TMEM41B: variants seen among roughly 807,000 people sequenced by gnomAD.
The protein encoded by TMEM41B is protein stasimon.
Under a neutral mutation model 31.9 loss-of-function variants are expected in TMEM41B, and 18 were observed. That is an observed-to-expected ratio of 0.56 (90% CI 0.39 to 0.84). TMEM41B has a LOEUF of 0.84. Ranked by LOEUF, TMEM41B falls within the 40% of genes least tolerant of loss-of-function variation. The pLI, the probability that TMEM41B is intolerant of heterozygous loss-of-function variation, is 0.00. For synonymous variants in TMEM41B, 144 were observed against 124.3 expected, an observed-to-expected ratio of 1.16 and a Z score of -1.05; for missense variants, 322 against 348.0, an observed-to-expected ratio of 0.93 and a Z score of 0.59.
intron 5 of TMEM41B, among the ~76,000 whole-genome samples, chr11:9,286,891 T>G (rs1852849308): frequency 6.6e-6 from 1 of 151,758 alleles, no homozygotes; most frequent in Non-Finnish European, 1.5e-5. Flanking sequence ...TCCTAGCTAC[T>G]TGGGAGGCTG....
Position 9,286,443 on chromosome 11 carries a change from C to A in TMEM41B, c.706+12G>T. 1 of 1,605,276 alleles carries A rather than the reference C, an allele frequency of 6.2e-7. No individual in the cohort carries two copies. The highest frequency in any genetic ancestry group is 8.5e-7 in the Non-Finnish European group (1 of 1,176,300). On this transcript the variant is annotated intron_variant, in intron 6 of 6. Transcript: ENST00000528080. The stretch of plus-strand genomic sequence containing the variant: ...CAGTGAGCTCATACACAGCAAGAAC[C>A]AGAGGGCTTACCTAGAAAAGTACCA...
chr11:9,286,483 C>A lies in TMEM41B; in HGVS notation c.678G>T (p.Leu226Phe). Residue 226 changes from leucine to phenylalanine, a missense_variant, in exon 6 of 7, where the codon TTG becomes TTT. By Grantham distance (22) the Leu-to-Phe change is conservative. Transcript: ENST00000528080. ...NITSPVINVP[L>F]KVFFIGTFLG... Reference sequence around the variant, plus strand: ...GAAAAGTACCAATAAAAAAAACTTTCAATGGCACGTTTATCACAGGAGATG... The same window carrying A: ...GAAAAGTACCAATAAAAAAAACTTTAAATGGCACGTTTATCACAGGAGATG... The A allele has an allele frequency of 6.2e-7, 1 of 1,611,308 alleles. No individual in the cohort carries two copies. Among genetic ancestry groups the A allele is most frequent in the Non-Finnish European group, 8.5e-7 (1 of 1,179,252 alleles).
chr11:9,305,178 T>C (rs1260698629), intron 1 of TMEM41B, among the ~76,000 whole-genome samples: 1 of 151,206 alleles, frequency 6.6e-6, no homozygotes, highest in Non-Finnish European at 1.5e-5. Context: ...AGCTATTCAA[T>C]AAAGTAGGTA....
intron 1 of TMEM41B, among the ~76,000 whole-genome samples, chr11:9,307,004 C>A (rs1853414148): frequency 6.6e-6 from 1 of 152,156 alleles, no homozygotes; most frequent in Non-Finnish European, 1.5e-5. Flanking sequence ...AATTCTTTCT[C>A]CATATACTCA....
intron 4 of TMEM41B, chr11:9,288,082 G>T: frequency 2.3e-6 from 1 of 427,194 alleles, no homozygotes. Context: ...AATTTCAGGA[G>T]CCAATTTCCA....
Position 9,281,366 on chromosome 11 carries a change from C to A in TMEM41B, c.*2058G>T, listed in dbSNP as rs1374641879. ...GCTAGAAATAATAAATAATCTCACGCAAAAGGCCAGGTGACATAAGAATAC... is the reference window on the plus strand; with the variant it reads ...GCTAGAAATAATAAATAATCTCACGAAAAAGGCCAGGTGACATAAGAATAC... On this transcript the variant is annotated 3_prime_UTR_variant, in exon 7 of 7. Transcript: ENST00000528080. The A allele has an allele frequency of 6.6e-6, 1 of 152,138 alleles. No individual in the cohort carries two copies. The allele number at this position is 152,138 out of a possible 1,614,324, so 9.4% of individuals were successfully genotyped here.
intron 5 of TMEM41B, 51 bp from the exon 6 acceptor site, chr11:9,286,644 A>G: frequency 6.5e-7 from 1 of 1,538,920 alleles, no homozygotes; most frequent in Non-Finnish European, 8.8e-7. Context: ...ACTTCAAAAT[A>G]AGTTGCTTAA....
At chr11:9,288,942 G>C (rs1852895932) in intron 3 of TMEM41B, among the ~76,000 whole-genome samples, 2 of 152,084 alleles carry the variant, frequency 1.3e-5, no homozygotes, top group African/African-American at 4.8e-5. Context: ...TAAAGGAATA[G>C]GAACTACAAG....
At chr11:9,290,961 CA>C (rs1266615105) in intron 3 of TMEM41B, among the ~76,000 whole-genome samples, 2 of 151,936 alleles carry the variant, frequency 1.3e-5, no homozygotes, top group African/African-American at 2.4e-5. Context: ...AATAAAAATA[CA>C]AAAATTGGCC....
intron 2 of TMEM41B, among the ~76,000 whole-genome samples, 164 bp from the exon 3 acceptor site, chr11:9,295,551 G>C (rs534012720): frequency 1.3e-5 from 2 of 152,208 alleles, no homozygotes; most frequent in South Asian, 4.1e-4. Context: ...CTTTTGTTTT[G>C]AGACATAGAG....
chr11:9,286,762 G>A (rs1265524487), intron 5 of TMEM41B, among the ~76,000 whole-genome samples, 169 bp from the exon 6 acceptor site: 2 of 152,242 alleles, frequency 1.3e-5, no homozygotes, highest in South Asian at 2.1e-4. Context: ...CACTTTGGGA[G>A]GCTGAGGCAG....
chr11:9,303,821 C>T (rs1463249045), intron 1 of TMEM41B, among the ~76,000 whole-genome samples: 7 of 151,926 alleles, frequency 4.6e-5, no homozygotes, highest in South Asian at 2.1e-4. Flanking sequence ...GCACACGCCA[C>T]GAGGATCAAC....
chr11:9,287,937 T>G, intron 4 of TMEM41B, 131 bp from the exon 5 acceptor site: 10 of 696,736 alleles, frequency 1.4e-5, no homozygotes, highest in East Asian at 2.7e-5. Flanking sequence ...ATGACATCTC[T>G]TGTGCAGAGA....
At position 9,281,311 on chromosome 11, in the gene TMEM41B, C is replaced by A. The variant is rs979440381; in HGVS notation, c.*2113G>T. The A allele has an allele frequency of 2.0e-5, 3 of 152,112 alleles. No individual in the cohort carries two copies. Among genetic ancestry groups the A allele is most frequent in the Non-Finnish European group, 4.4e-5 (3 of 68,018 alleles). The allele number at this position is 152,112 out of a possible 1,614,324, so 9.4% of individuals were successfully genotyped here. ...AATAACAAAAGATGTATCAGTCAGT[C>A]TCTGGGCAATAAGAAAGGAAGAAAG... On this transcript the variant is annotated 3_prime_UTR_variant, in exon 7 of 7. Transcript: ENST00000528080.
At chr11:9,296,110 G>A (rs1342785365) in intron 2 of TMEM41B, among the ~76,000 whole-genome samples, 1 of 151,840 alleles carries the variant, frequency 6.6e-6, no homozygotes, top group African/African-American at 2.4e-5. Flanking sequence ...ACCCGCCTTG[G>A]CCTCCCAACG....
Position 9,290,038 on chromosome 11 carries a change from AACACAC to A in TMEM41B, c.369-1509_369-1504del, listed in dbSNP as rs138140225. 2.1e-3 allele frequency among the ~76,000 whole-genome samples: 316 copies of A among 149,898 alleles called. 1 individual carries two copies. The highest frequency in any genetic ancestry group is 1.8e-3 in the Non-Finnish European group (124 of 67,334). Reference sequence around the variant, plus strand: ...TCCTACATGTCTCTGTCAAAAACAAAACACACACACACACACACACACAAACACACA... The same window carrying A: ...TCCTACATGTCTCTGTCAAAAACAAAACACACACACACACACAAACACACA... On this transcript the variant is annotated intron_variant, in intron 3 of 6. Coordinates refer to ENST00000528080, the MANE Select transcript of TMEM41B (RefSeq NM_015012.4).
chr11:9,291,137 A>C (rs922596429), intron 3 of TMEM41B, among the ~76,000 whole-genome samples: 3 of 151,918 alleles, frequency 2.0e-5, no homozygotes, highest in Non-Finnish European at 4.4e-5. Context: ...AAATAAAAAT[A>C]AGGCTGGGCG....
intron 6 of TMEM41B, among the ~76,000 whole-genome samples, chr11:9,285,885 G>A (rs1217851734): frequency 6.6e-6 from 1 of 151,998 alleles, no homozygotes; most frequent in Non-Finnish European, 1.5e-5. Context: ...GGGAGGCTGA[G>A]GTAGGTGGAC....
At chr11:9,305,571 G>T (rs1415068569) in intron 1 of TMEM41B, among the ~76,000 whole-genome samples, 1 of 152,160 alleles carries the variant, frequency 6.6e-6, no homozygotes, top group Non-Finnish European at 1.5e-5. Context: ...TTGCACTCCA[G>T]CCTGGGCAAC....
Sources: allele counts gnomAD v4.1 joint callset (sites outside exome capture counted in the v4.1 genomes callset), GRCh38; gene constraint gnomAD v4.1.1; transcripts MANE v1.5; gene names NCBI Gene and HGNC (gene_info 2026-07-23, HGNC 2026-07-21).